ZFHX3: variants seen among roughly 807,000 people sequenced by gnomAD.
ZFHX3 encodes zinc finger homeobox 3, also known as zinc finger homeobox protein 3.
Under a neutral mutation model 279.1 loss-of-function variants are expected in ZFHX3, and 42 were observed. The ratio of observed to expected loss-of-function variants is 0.15; its 90% CI spans 0.12 to 0.19. The LOEUF (loss-of-function observed/expected upper bound fraction) is 0.19, where lower values mean the gene tolerates loss of function less well. ZFHX3 is among the 10% of genes least tolerant of loss of function. The pLI, the probability that ZFHX3 is intolerant of heterozygous loss-of-function variation, is 1.00. For synonymous variants in ZFHX3, 2,293 were observed against 1,957.8 expected, an observed-to-expected ratio of 1.17 and a Z score of -4.52; for missense variants, 4,981 against 4,754.0, an observed-to-expected ratio of 1.05 and a Z score of -1.40.
At chr16:72,820,591 T>C (rs1176788837) in intron 5 of ZFHX3, among the ~76,000 whole-genome samples, 5 of 152,184 alleles carry the variant, frequency 3.3e-5, no homozygotes, top group African/African-American at 9.7e-5. Context: ...ATTCCTGACT[T>C]TGAGGTACTG....
At chr16:73,175,344 C>A (rs1469873044) in intron 5 of ZFHX3, among the ~76,000 whole-genome samples, 10 of 152,154 alleles carry the variant, frequency 6.6e-5, no homozygotes, top group South Asian at 2.1e-4. Flanking sequence ...TGCACCACTG[C>A]ACTCTAGCCT....
At chr16:73,275,989 G>A (rs193007741) in intron 4 of ZFHX3, among the ~76,000 whole-genome samples, 1 of 151,938 alleles carries the variant, frequency 6.6e-6, no homozygotes, top group Non-Finnish European at 1.5e-5. Context: ...AGTGATGGGG[G>A]GGGACAGGGA....
chr16:73,631,799 C>T (rs776382389), intron 2 of ZFHX3, among the ~76,000 whole-genome samples: 2 of 151,868 alleles, frequency 1.3e-5, no homozygotes, highest in African/African-American at 2.4e-5. Context: ...CCCAGCTACT[C>T]GGGTGGCTGA....
chr16:73,293,405 A>C (rs1181990972), intron 4 of ZFHX3, among the ~76,000 whole-genome samples: 2 of 152,240 alleles, frequency 1.3e-5, no homozygotes, highest in Non-Finnish European at 2.9e-5. Context: ...TGAAATTTCT[A>C]GGAAGGGGAT....
chr16:73,049,662 G>A (rs542136352), upstream of ZFHX3, among the ~76,000 whole-genome samples: 2 of 152,150 alleles, frequency 1.3e-5, no homozygotes, highest in Non-Finnish European at 2.9e-5. Context: ...GTCCGATTAG[G>A]GACAAAGGAG....
intron 2 of ZFHX3, among the ~76,000 whole-genome samples, chr16:73,542,651 T>G (rs375666849): frequency 3.1e-4 from 47 of 152,350 alleles, no homozygotes; most frequent in Non-Finnish European, 6.2e-4. Flanking sequence ...GGAATCTGCA[T>G]GGGGTTGCCA....
chr16:73,065,259 C>CGCAGGCGT (rs1965733228), intron 8 of ZFHX3, among the ~76,000 whole-genome samples: 1 of 152,216 alleles, frequency 6.6e-6, no homozygotes, highest in Admixed American at 6.5e-5. Flanking sequence ...CACGCAGACA[C>CGCAGGCGT]GCAGGCGTGC....
At chr16:72,935,715 CA>C (rs1400222799) in intron 3 of ZFHX3, among the ~76,000 whole-genome samples, 4 of 147,930 alleles carry the variant, frequency 2.7e-5, no homozygotes, top group African/African-American at 7.6e-5. Flanking sequence ...GCCTGGGCGA[CA>C]GAGTGACACT....
chr16:73,453,658 G>T (rs2018319429), intron 3 of ZFHX3, among the ~76,000 whole-genome samples: 1 of 152,180 alleles, frequency 6.6e-6, no homozygotes, highest in East Asian at 1.9e-4. Flanking sequence ...GTATTAGTCT[G>T]TTTTCATGCT....
At chr16:73,201,245 C>A (rs1373072703) in intron 5 of ZFHX3, among the ~76,000 whole-genome samples, 5 of 152,200 alleles carry the variant, frequency 3.3e-5, no homozygotes, top group South Asian at 2.1e-4. Context: ...TGAGTTTGGG[C>A]TGCCAGGGGC....
intron 3 of ZFHX3, among the ~76,000 whole-genome samples, chr16:73,454,275 C>T (rs1371362631): frequency 6.6e-6 from 1 of 152,130 alleles, no homozygotes; most frequent in Non-Finnish European, 1.5e-5. Flanking sequence ...GTACCCATGA[C>T]ATTTTATTCT....
At chr16:73,329,474 C>T (rs138431492) in intron 3 of ZFHX3, among the ~76,000 whole-genome samples, 44 of 152,362 alleles carry the variant, frequency 2.9e-4, no homozygotes, top group East Asian at 1.2e-3. Flanking sequence ...CCTCGACCGG[C>T]GGAGCCAGAT....
intron 2 of ZFHX3, 66 bp from the exon 3 acceptor site, chr16:72,951,031 C>A (rs531209816): frequency 6.5e-7 from 1 of 1,548,428 alleles, no homozygotes; most frequent in Non-Finnish European, 8.7e-7. Flanking sequence ...AGCTGAGGCA[C>A]CCCCCAGCCC....
chr16:72,787,595 C>G lies in ZFHX3; in HGVS notation c.10681G>C (p.Ala3561Pro). The change falls in exon 10 of 10, where the codon GCA becomes CCA. Residue 3561 changes from alanine (A) to proline (P), a missense_variant. Physicochemically the swap from Ala to Pro is conservative, Grantham distance 27. This residue lies in a region of ZFHX3 where 1,034 missense variants were observed against 786.0 expected (regional missense o/e 1.32). Transcript: ENST00000268489. The part of the protein sequence containing the change: ...ALHKHRTITR[A>P]ARNAKEHPSL... ...GGGTGCTCTTTGGCGTTTCTTGCTG[C>G]TCTCGTGATTGTTCTGTGTTTGTGC... The G allele has an allele frequency of 6.2e-7, 1 of 1,613,926 alleles. No individual in the cohort carries two copies. Among genetic ancestry groups the G allele is most frequent in the Non-Finnish European group, 8.5e-7 (1 of 1,179,950 alleles).
chr16:72,933,313 C>T (rs1311583674), intron 3 of ZFHX3, among the ~76,000 whole-genome samples: 2 of 152,186 alleles, frequency 1.3e-5, no homozygotes, highest in African/African-American at 2.4e-5. Context: ...ATCATTACTA[C>T]TCTCCCAGAG....
chr16:72,903,562 A>G lies in ZFHX3; in HGVS notation c.3217-13600T>C, dbSNP rs868732482. On this transcript the variant is annotated intron_variant, in intron 3 of 9. Coordinates refer to ENST00000268489, the MANE Select transcript of ZFHX3 (RefSeq NM_006885.4). ...TAGCTAGAAAACCGTATTCTTACTG[A>G]GGTTTGGCTCAGAGGAGGAACTATT... Among the ~76,000 whole-genome samples the G allele has an allele frequency of 2.6e-5, 4 of 152,232 alleles. No individual in the cohort carries two copies. The East Asian group carries it at 5.8e-4, about 22-fold the overall frequency.
chr16:73,656,271 C>T (rs2052720216), intron 2 of ZFHX3, among the ~76,000 whole-genome samples: 1 of 152,206 alleles, frequency 6.6e-6, no homozygotes, highest in Non-Finnish European at 1.5e-5. Context: ...TTAACAGAGT[C>T]AGATGTCAAC....
chr16:73,319,292 G>C (rs2015522959), intron 3 of ZFHX3, among the ~76,000 whole-genome samples: 1 of 151,976 alleles, frequency 6.6e-6, no homozygotes, highest in South Asian at 2.1e-4. Context: ...AATATGGGCA[G>C]GCAGACGAGA....
At chr16:72,986,427 C>T (rs1359188513) in intron 1 of ZFHX3, among the ~76,000 whole-genome samples, 1 of 152,156 alleles carries the variant, frequency 6.6e-6, no homozygotes, top group Non-Finnish European at 1.5e-5. Flanking sequence ...AACTTGGTGG[C>T]CATGAAGCTA....
Sources: allele counts gnomAD v4.1 joint callset (sites outside exome capture counted in the v4.1 genomes callset), GRCh38; gene constraint gnomAD v4.1.1; regional missense constraint gnomAD v4.1.1; transcripts MANE v1.5; gene names NCBI Gene and HGNC (gene_info 2026-07-23, HGNC 2026-07-21).